The following MLPH variants were observed in gnomAD, a reference collection of about 807,000 sequenced individuals.
MLPH encodes the protein melanophilin, also known as exophilin-3.
Under a neutral mutation model 72.1 loss-of-function variants are expected in MLPH, and 51 were observed. That is an observed-to-expected ratio of 0.71 (90% confidence interval 0.56 to 0.89). MLPH has a LOEUF of 0.89. Among genes scored for constraint, MLPH ranks in the 40% least tolerant of loss-of-function variants. MLPH has a pLI of 0.00. For missense variants in MLPH, 743 were observed against 759.9 expected (o/e 0.98, Z 0.26); for synonymous variants, 301 against 310.1 (o/e 0.97, Z 0.31).
intron 2 of MLPH, among the ~76,000 whole-genome samples, chr2:237,507,999 C>T (rs1210619063): frequency 6.6e-6 from 1 of 152,208 alleles, no homozygotes; most frequent in Non-Finnish European, 1.5e-5. Context: ...CTCCTCCAAG[C>T]TCATCAGGCA....
chr2:237,501,977 GCT>G (rs1210080029), intron 2 of MLPH, among the ~76,000 whole-genome samples: 4 of 151,992 alleles, frequency 2.6e-5, no homozygotes, highest in Admixed American at 1.3e-4. Context: ...TCTCTTTTCA[GCT>G]CTGTTTTTTT....
chr2:237,545,236 GCACAGTGGTGAGTGA>G lies in MLPH; in HGVS notation c.1540-1369_1540-1355del, dbSNP rs1574911332. ...GTGAGTGGGGACAGTGGTGAGTGGGGCACAGTGGTGAGTGAGGGGAACACAGCAACCCAGTTGAGT... is the reference window on the plus strand; with the variant it reads ...GTGAGTGGGGACAGTGGTGAGTGGGGGGGGAACACAGCAACCCAGTTGAGT... On this transcript the variant is annotated intron_variant, in intron 12 of 15. Transcript: ENST00000264605. Among the ~76,000 whole-genome samples, 3 of 138,844 alleles carry G rather than the reference GCACAGTGGTGAGTGA, an allele frequency of 2.2e-5. No individual in the cohort carries two copies. The East Asian group carries it at 6.3e-4, about 29-fold the overall frequency. 91.1% of individuals were successfully genotyped at this position (138,844 alleles called of 152,430 possible). A position where few individuals can be genotyped will look rare whatever the true frequency, so the allele number is the denominator to read the frequency against.
At chr2:237,518,290 G>A in intron 4 of MLPH, 1 of 590,886 alleles carries the variant, frequency 1.7e-6, no homozygotes, top group Non-Finnish European at 3.1e-6. Context: ...TGAGTAGGTG[G>A]ATGAGTGGAT....
chr2:237,518,698 C>A, intron 5 of MLPH, 50 bp downstream of exon 5: 1 of 1,426,480 alleles, frequency 7.0e-7, no homozygotes, highest in Non-Finnish European at 9.8e-7. Flanking sequence ...TTCCATCCCG[C>A]AGCTGGGACG....
At chr2:237,514,457 T>G (rs545513197) in intron 4 of MLPH, among the ~76,000 whole-genome samples, 90 of 151,608 alleles carry the variant, frequency 5.9e-4, no homozygotes, top group Middle Eastern at 7.2e-3. Context: ...GAGTGATATT[T>G]GTATGTTTTA....
Position 237,546,587 on chromosome 2 carries a change from T to C in MLPH, c.1540-19T>C. 4 of 1,611,254 alleles carry C rather than the reference T, an allele frequency of 2.5e-6. No individual in the cohort carries two copies. The highest frequency in any genetic ancestry group is 2.5e-6 in the Non-Finnish European group (3 of 1,177,534). On this transcript the variant is annotated intron_variant, in intron 12 of 15. Coordinates refer to ENST00000264605, the MANE Select transcript of MLPH (RefSeq NM_024101.7). ...GCTGGAGGTTCAACAATAACATAAG[T>C]CTCTTCTTTGCCCTCCAGATATTTC... is the stretch of plus-strand genomic sequence containing the variant.
chr2:237,491,197 T>G (rs1198348941), intron 1 of MLPH, among the ~76,000 whole-genome samples: 1 of 152,206 alleles, frequency 6.6e-6, no homozygotes, highest in Non-Finnish European at 1.5e-5. Context: ...GAGATGCTTC[T>G]CAGAATTCAG....
chr2:237,502,625 G>A (rs760078379), intron 2 of MLPH, among the ~76,000 whole-genome samples: 1 of 152,132 alleles, frequency 6.6e-6, no homozygotes, highest in Non-Finnish European at 1.5e-5. Flanking sequence ...TGCCCTGGGG[G>A]AAAGGCTGAA....
chr2:237,533,673 G>A (rs1386345849), intron 8 of MLPH, among the ~76,000 whole-genome samples: 1 of 152,228 alleles, frequency 6.6e-6, no homozygotes, highest in Admixed American at 6.5e-5. Flanking sequence ...GGAGACAGAG[G>A]ATGTGTGCTG....
chr2:237,506,500 A>G (rs1340813223), intron 2 of MLPH, among the ~76,000 whole-genome samples: 1 of 152,190 alleles, frequency 6.6e-6, no homozygotes, highest in Non-Finnish European at 1.5e-5. Context: ...GTCCCTTTTA[A>G]GGGCTTACAA....
At chr2:237,546,064 A>G (rs1436179271) in intron 12 of MLPH, among the ~76,000 whole-genome samples, 3 of 152,208 alleles carry the variant, frequency 2.0e-5, no homozygotes, top group African/African-American at 4.8e-5. Context: ...TAGGTGTAAG[A>G]TGTACCTTGG....
intron 2 of MLPH, among the ~76,000 whole-genome samples, chr2:237,509,683 A>G (rs1322187630): frequency 6.6e-6 from 1 of 152,188 alleles, no homozygotes; most frequent in Non-Finnish European, 1.5e-5. Context: ...TGTCCATCTC[A>G]GTGAACATTT....
intron 2 of MLPH, among the ~76,000 whole-genome samples, chr2:237,497,028 A>G (rs1234542910): frequency 1.3e-5 from 2 of 151,848 alleles, no homozygotes; most frequent in African/African-American, 4.8e-5. Context: ...CTGGGGGAGG[A>G]GGCTGGGGGC....
At chr2:237,498,779 C>T (rs1470204487) in intron 2 of MLPH, among the ~76,000 whole-genome samples, 1 of 152,210 alleles carries the variant, frequency 6.6e-6, no homozygotes, top group Non-Finnish European at 1.5e-5. Flanking sequence ...GTTCCTGCCT[C>T]CCACGAGGAC....
intron 2 of MLPH, among the ~76,000 whole-genome samples, chr2:237,502,226 A>G (rs1209789692): frequency 6.6e-6 from 1 of 152,266 alleles, no homozygotes; most frequent in East Asian, 1.9e-4. Context: ...AGAAAAGATT[A>G]TCACATGTTA....
chr2:237,527,337 T>C (rs868325587), intron 7 of MLPH, 40 bp from the exon 8 acceptor site: 1 of 1,613,944 alleles, frequency 6.2e-7, no homozygotes, highest in African/African-American at 1.3e-5. Context: ...AGCTTTCAGG[T>C]TTTCACTGCA....
intron 1 of MLPH, among the ~76,000 whole-genome samples, chr2:237,491,860 C>T (rs374535344): frequency 1.3e-5 from 2 of 152,146 alleles, no homozygotes; most frequent in East Asian, 1.9e-4. Context: ...TGCATCACTC[C>T]CCTGCCTCAC....
intron 2 of MLPH, among the ~76,000 whole-genome samples, chr2:237,504,825 G>A (rs1189921216): frequency 6.6e-6 from 1 of 152,142 alleles, no homozygotes; most frequent in Non-Finnish European, 1.5e-5. Context: ...TTAGGGTGAC[G>A]GCTGCCTCAG....
intron 2 of MLPH, among the ~76,000 whole-genome samples, chr2:237,499,976 G>A (rs540222417): frequency 6.6e-6 from 1 of 152,110 alleles, no homozygotes; most frequent in African/African-American, 2.4e-5. Context: ...GAACTCCTGG[G>A]CTCAAGTGAT....
Sources: gnomAD v4.1 joint callset for allele counts (sites outside exome capture counted in the v4.1 genomes callset) on GRCh38, gnomAD v4.1.1 for gene constraint, MANE v1.5 for transcripts, NCBI Gene and HGNC (gene_info 2026-07-23, HGNC 2026-07-21) for gene names.